TCHH: variants seen among roughly 807,000 people sequenced by gnomAD.
TCHH encodes trichohyalin.
In TCHH, 6 loss-of-function variants were observed where a neutral mutation model predicts 6.3. The ratio of observed to expected loss-of-function variants is 0.95; its 90% confidence interval spans 0.52 to 1.88. The LOEUF (loss-of-function observed/expected upper bound fraction) is 1.88. Ranked by LOEUF, TCHH falls within the 40% of genes most tolerant of loss-of-function variation. The pLI is 0.01. For missense variants in TCHH, 2,920 were observed against 2,449.1 expected, an observed-to-expected ratio of 1.19 and a Z score of -4.06; for synonymous variants, 1,087 against 963.6, an observed-to-expected ratio of 1.13 and a Z score of -2.37.
chr1:152,109,632 C>T lies in TCHH; in HGVS notation c.3585G>A (p.Arg1195=), dbSNP rs1658248026. 4 of 1,614,136 alleles carry T rather than the reference C, an allele frequency of 2.5e-6. No individual in the cohort carries two copies. The highest frequency in any genetic ancestry group is 1.6e-4 in the Middle Eastern group (1 of 6,062). ...REEQEKRRQE[R]ERQYREEEEL... is the part of the protein sequence containing the mutation. ...CTTCCTCCTCCCGATACTGCCTCTC[C>T]CGCTCCTGGCGCCTTTTCTCCTGTT... Residue 1195 remains arginine, a synonymous_variant, in exon 3 of 3, where the codon CGG becomes CGA. Coordinates refer to ENST00000614923, the MANE Select transcript of TCHH (RefSeq NM_007113.4).
chr1:152,109,298 C>G lies in TCHH; in HGVS notation c.3919G>C (p.Ala1307Pro). Residue 1307 changes from alanine (A) to proline (P), a missense_variant, in exon 3 of 3, where the codon GCC (alanine) becomes CCC (proline). Transcript: ENST00000614923. ...EQLEREEQKE[A>P]KRRDRKSQEE... is the part of the protein sequence containing the mutation. ...TGGGACTTCCTGTCGCGCCTTTTGG[C>G]TTCCTTTTGCTCTTCTCGCTCCAGC... The G allele has an allele frequency of 6.2e-7, 1 of 1,614,164 alleles. No homozygotes were observed.
In TCHH at chr1:152,109,531, G is replaced by C. The variant is rs1327857969; in HGVS notation, c.3686C>G (p.Pro1229Arg). 2 of 1,614,198 alleles carry C rather than the reference G, an allele frequency of 1.2e-6. No homozygotes were observed. The highest frequency in any genetic ancestry group is 1.1e-5 in the South Asian group (1 of 91,084). Residue 1229 changes from proline to arginine, a missense_variant, in exon 3 of 3, where the codon CCA becomes CGA. Coordinates refer to ENST00000614923, the MANE Select transcript of TCHH (RefSeq NM_007113.4). Reference protein sequence around the residue: ...QRSDLKWQWEPEKENAVRDNK... With the variant: ...QRSDLKWQWEREKENAVRDNK... ...ATCACGAACTGCATTTTCTTTTTCT[G>C]GTTCCCACTGCCATTTCAGATCACT...
Position 152,108,503 on chromosome 1 carries a change from G to T in TCHH, c.4714C>A (p.Leu1572Met). The change falls in exon 3 of 3, where the codon CTG becomes ATG. Residue 1572 changes from leucine to methionine, a missense_variant. Transcript: ENST00000614923. ...TTTCTGTCACGCTCTTGGCGGCTCA[G>T]CTGCTGTTCCTCCCTCTCCTGGCGC... ...QLRQEREEQQ[L>M]SRQERDRKFR... 1 of 1,612,114 alleles carries T rather than the reference G, an allele frequency of 6.2e-7. No individual in the cohort carries two copies. The highest frequency in any genetic ancestry group is 8.5e-7 in the Non-Finnish European group (1 of 1,179,512).
Position 152,108,261 on chromosome 1 carries a change from C to T in TCHH, c.4956G>A (p.Leu1652=), listed in dbSNP as rs373529209. Residue 1652 remains leucine (L), a synonymous_variant, in exon 3 of 3, where the codon CTG becomes CTA. Transcript: ENST00000614923. The part of the protein sequence containing the change: ...DRKFLEEEPQ[L]RRQEREQQLR... ...GCTGTTGTTCGCGCTCCTGGCGGCG[C>T]AGCTGCGGTTCCTCCTCGAGGAATT... The T allele has an allele frequency of 1.9e-6, 3 of 1,612,394 alleles. No individual in the cohort carries two copies. The highest frequency in any genetic ancestry group is 2.5e-6 in the Non-Finnish European group (3 of 1,179,598).
Position 152,110,157 on chromosome 1 carries a change from G to C in TCHH, c.3060C>G (p.Tyr1020Ter). The change falls in exon 3 of 3, where the codon TAC becomes TAG. Residue 1020 changes from tyrosine (Y) to a stop codon, truncating the protein, a stop_gained. Transcript: ENST00000614923. LOFTEE classifies it low-confidence loss of function (END_TRUNC). Reference protein sequence around the residue: ...KRRRQEWERQYRKKDELQQEE... With the variant: ...KRRRQEWERQ ...CCTGCTGCAGCTCGTCTTTTTTGCG[G>C]TACTGCCTCTCCCACTCCTGGCGCC... 1 of 1,563,224 alleles carries C rather than the reference G, an allele frequency of 6.4e-7. No individual in the cohort carries two copies. The highest frequency in any genetic ancestry group is 1.8e-5 in the Admixed American group (1 of 55,562).
Position 152,108,536 on chromosome 1 carries a change from C to T in TCHH, c.4681G>A (p.Glu1561Lys), listed in dbSNP as rs200111335. The T allele has an allele frequency of 9.3e-6, 15 of 1,605,710 alleles. No homozygotes were observed. Among genetic ancestry groups the T allele is most frequent in the East Asian group, 2.3e-5 (1 of 43,374 alleles). ...TCCTCCCTCTCCTGGCGCAGCTGTT[C>T]CTCCTCGCGGAATTTTCTGTCACGG... ...QDRDRKFREE[E>K]QLRQEREEQQ... Residue 1561 changes from glutamate (E) to lysine (K), a missense_variant, in exon 3 of 3, where the codon GAA becomes AAA. Physicochemically the swap from Glu to Lys is moderately conservative, Grantham distance 56 (BLOSUM62 1). Coordinates refer to ENST00000614923, the MANE Select transcript of TCHH (RefSeq NM_007113.4).
Position 152,108,747 on chromosome 1 carries a change from C to T in TCHH, c.4470G>A (p.Glu1490=). Residue 1490 remains glutamate (E), a synonymous_variant, in exon 3 of 3, where the codon GAG becomes GAA. Coordinates refer to ENST00000614923, the MANE Select transcript of TCHH (RefSeq NM_007113.4). ...RQERDRKFLE[E]EQQLRRQERD... Reference sequence around the variant, plus strand: ...GCTCTTGGCGGCGCAGCTGTTGTTCCTCCTCCAGGAATTTTCTGTCACGCT... The same window carrying T: ...GCTCTTGGCGGCGCAGCTGTTGTTCTTCCTCCAGGAATTTTCTGTCACGCT... 1.9e-6 allele frequency: 3 copies of T among 1,613,376 alleles called. No homozygotes were observed. The highest frequency in any genetic ancestry group is 2.5e-6 in the Non-Finnish European group (3 of 1,179,862).
Position 152,107,874 on chromosome 1 carries a change from C to G in TCHH, c.5343G>C (p.Gln1781His). The G allele has an allele frequency of 6.2e-7, 1 of 1,613,400 alleles. No individual in the cohort carries two copies. Among genetic ancestry groups the G allele is most frequent in the South Asian group, 1.1e-5 (1 of 91,034 alleles). The change falls in exon 3 of 3, where the codon CAG becomes CAC. Residue 1781 changes from glutamine to histidine, a missense_variant. By Grantham distance (24) the Gln-to-His change is conservative. Transcript: ENST00000614923. ...RKFREEEQLR[Q>H]EREEQQLRSQ... ...TGCGCAGCTGCTGTTCCTCCCTCTCCTGGCGGAGCTGTTCCTCCTCGCGGA... is the reference window on the plus strand; with the variant it reads ...TGCGCAGCTGCTGTTCCTCCCTCTCGTGGCGGAGCTGTTCCTCCTCGCGGA...
chr1:152,107,964 C>T lies in TCHH; in HGVS notation c.5253G>A (p.Glu1751=), dbSNP rs1037566493. The change falls in exon 3 of 3, where the codon GAG becomes GAA. Residue 1751 remains glutamate, a synonymous_variant. Coordinates refer to ENST00000614923, the MANE Select transcript of TCHH (RefSeq NM_007113.4). ...RRQERYRKIL[E]EEQLRPEREE... ...CCCTTTCCGGACGGAGCTGCTCTTCCTCTAGGATTTTTCTGTAGCGTTCTT... is the reference window on the plus strand; with the variant it reads ...CCCTTTCCGGACGGAGCTGCTCTTCTTCTAGGATTTTTCTGTAGCGTTCTT... 4 of 1,608,002 alleles carry T rather than the reference C, an allele frequency of 2.5e-6. No homozygotes were observed. Among genetic ancestry groups the T allele is most frequent in the East Asian group, 2.2e-5 (1 of 44,494 alleles).
rs370364413 is a variant in TCHH at position 152,108,367 on chromosome 1, C to A, written c.4850G>T (p.Arg1617Leu). The A allele has an allele frequency of 2.5e-6, 4 of 1,606,042 alleles. No individual in the cohort carries two copies. The highest frequency in any genetic ancestry group is 3.4e-6 in the Non-Finnish European group (4 of 1,177,168). ...QEGQQQLRQE[R>L]DRKFREDEQL... ...TTCGTCTTCGCGGAATTTTCTGTCG[C>A]GCTCCTGGCGCAGCTGTTGTTGGCC... The change falls in exon 3 of 3, where the codon CGC (arginine) becomes CTC (leucine). Residue 1617 changes from arginine (R) to leucine (L), a missense_variant. Physicochemically the swap from Arg to Leu is moderately radical, Grantham distance 102. Transcript: ENST00000614923.
rs1472301456 is a variant in TCHH at position 152,112,693 on chromosome 1, C to T, written c.524G>A (p.Arg175Gln). 4 of 1,614,108 alleles carry T rather than the reference C, an allele frequency of 2.5e-6. No homozygotes were observed. Among genetic ancestry groups the T allele is most frequent in the Non-Finnish European group, 2.5e-6 (3 of 1,180,032 alleles). The change falls in exon 3 of 3, where the codon CGG (arginine) becomes CAG (glutamine). Residue 175 changes from arginine (R) to glutamine (Q), a missense_variant. By Grantham distance (43) the Arg-to-Gln change is conservative. Transcript: ENST00000614923. ...DRQRRDEELW[R>Q]QRQEWQEREE... Reference sequence around the variant, plus strand: ...CCGTTCTTGCCATTCTTGCCTTTGCCGCCACAGCTCCTCGTCGCGGCGCTG... The same window carrying T: ...CCGTTCTTGCCATTCTTGCCTTTGCTGCCACAGCTCCTCGTCGCGGCGCTG...
Position 152,109,000 on chromosome 1 carries a change from TGCTC to T in TCHH, c.4213_4216del (p.Glu1405AsnfsTer18). 1 of 1,612,650 alleles carries T rather than the reference TGCTC, an allele frequency of 6.2e-7. No individual in the cohort carries two copies. The highest frequency in any genetic ancestry group is 8.5e-7 in the Non-Finnish European group (1 of 1,179,506). On this transcript the variant is annotated frameshift_variant, in exon 3 of 3. Coordinates refer to ENST00000614923, the MANE Select transcript of TCHH (RefSeq NM_007113.4). LOFTEE classifies it low-confidence loss of function (END_TRUNC). The stretch of plus-strand genomic sequence containing the variant: ...TCTGTCGCGGTCCTGACGCAGCTGT[TGCTC>T]GCGCTCCTGGCAGCGCAGCTGCTGT...
rs376802112 is a variant in TCHH at position 152,114,418 on chromosome 1, A to G, written c.-31-307T>C. 7.2e-5 allele frequency among the ~76,000 whole-genome samples: 11 copies of G among 152,350 alleles called. No individual in the cohort carries two copies. The East Asian group carries it at 1.9e-3, about 27-fold the overall frequency. The stretch of plus-strand genomic sequence containing the variant: ...AGCTCTCCACCGTATTTCAGAGTAG[A>G]AAATTAAGAGAAGAGTGCAGAAATT... On this transcript the variant is annotated intron_variant, in intron 1 of 2. Coordinates refer to ENST00000614923, the MANE Select transcript of TCHH (RefSeq NM_007113.4).
chr1:152,114,470 T>G (rs1658463132), intron 1 of TCHH, among the ~76,000 whole-genome samples: 1 of 152,186 alleles, frequency 6.6e-6, no homozygotes, highest in Admixed American at 6.5e-5. Flanking sequence ...CTACACACCT[T>G]CCTTTAAAGT....
At position 152,114,107 on chromosome 1, in the gene TCHH, TA is replaced by T. The variant is rs1325235070; in HGVS notation, c.-28del. 3 of 1,591,756 alleles carry T rather than the reference TA, an allele frequency of 1.9e-6. No individual in the cohort carries two copies. Among genetic ancestry groups the T allele is most frequent in the Non-Finnish European group, 2.6e-6 (3 of 1,172,810 alleles). ...TTTTTTTCTTTCCTTCAAGTTCAAG[TA>T]AACCTAGAACAATAAAATAAGATCC... On this transcript the variant is annotated 5_prime_UTR_variant, in exon 2 of 3. Coordinates refer to ENST00000614923, the MANE Select transcript of TCHH (RefSeq NM_007113.4).
Position 152,111,645 on chromosome 1 carries a change from C to G in TCHH, c.1572G>C (p.Glu524Asp), listed in dbSNP as rs779315655. ...TCAACCGCTGCTGGAGCCTCTCTTC[C>G]TCCTCCTGGCGCTTCAGCCGCTGCT... ...RREQRLKRQE[E>D]EERLQQRLRS... The change falls in exon 3 of 3, where the codon GAG becomes GAC. Residue 524 changes from glutamate (E) to aspartate (D), a missense_variant. By Grantham distance (45) the Glu-to-Asp change is conservative. Transcript: ENST00000614923. 6.2e-7 allele frequency: 1 copy of G among 1,611,240 alleles called. No individual in the cohort carries two copies. Among genetic ancestry groups the G allele is most frequent in the Non-Finnish European group, 8.5e-7 (1 of 1,179,060 alleles).
Position 152,107,973 on chromosome 1 carries a change from T to A in TCHH, c.5244A>T (p.Lys1748Asn), listed in dbSNP as rs1658163795. 6.2e-7 allele frequency: 1 copy of A among 1,609,014 alleles called. No individual in the cohort carries two copies. The highest frequency in any genetic ancestry group is 8.5e-7 in the Non-Finnish European group (1 of 1,178,762). ...GACGGAGCTGCTCTTCCTCTAGGAT[T>A]TTTCTGTAGCGTTCTTGGCGGCGCA... ...EQLRRQERYRKILEEEQLRPE... is the reference protein window; with the variant it reads ...EQLRRQERYRNILEEEQLRPE... The change falls in exon 3 of 3, where the codon AAA (lysine) becomes AAT (asparagine). Residue 1748 changes from lysine to asparagine, a missense_variant. Coordinates refer to ENST00000614923, the MANE Select transcript of TCHH (RefSeq NM_007113.4).
Position 152,112,435 on chromosome 1 carries a change from T to A in TCHH, c.782A>T (p.Gln261Leu). ...TVLRKEEEKL[Q>L]EEEPQRQREL... ...TCTTTGCCGCTGCGGCTCCTCTTCC[T>A]GCAACTTCTCTTCTTCCTTCCGGAG... The change falls in exon 3 of 3, where the codon CAG becomes CTG. Residue 261 changes from glutamine (Q) to leucine (L), a missense_variant. Gln to Leu is a moderately radical substitution (Grantham distance 113). Transcript: ENST00000614923. 1 of 1,613,884 alleles carries A rather than the reference T, an allele frequency of 6.2e-7. No individual in the cohort carries two copies. The highest frequency in any genetic ancestry group is 8.5e-7 in the Non-Finnish European group (1 of 1,179,990).
rs772974334 is a variant in TCHH, at chr1:152,109,952, C to G, written c.3265G>C (p.Glu1089Gln). Residue 1089 changes from glutamate (E) to glutamine (Q), a missense_variant, in exon 3 of 3, where the codon GAG becomes CAG. Transcript: ENST00000614923. ...QYRKEEELQQEEEQLLREEPE... is the reference protein window; with the variant it reads ...QYRKEEELQQQEEQLLREEPE... ...TCCTCTCTCAGCAGCTGCTCTTCCT[C>G]CTGCTGCAGCTCCTCTTCCTTCCGA... The G allele has an allele frequency of 6.3e-7, 1 of 1,577,720 alleles. No homozygotes were observed.
Sources: gnomAD v4.1 joint callset for allele counts (sites outside exome capture counted in the v4.1 genomes callset) on GRCh38, gnomAD v4.1.1 for gene constraint, MANE v1.5 for transcripts, NCBI Gene and HGNC (gene_info 2026-07-23, HGNC 2026-07-21) for gene names.